Variants in NUP205 observed in about 807,000 individuals in gnomAD.
NUP205 encodes the protein nuclear pore complex protein Nup205.
A neutral mutation model predicts 253.8 loss-of-function variants in NUP205; 76 were observed. The observed-to-expected ratio is 0.30, with a 90% CI of 0.25 to 0.36. The LOEUF is 0.36. NUP205 is among the 10% of genes least tolerant of loss of function. NUP205 has a pLI of 1.00. For missense variants in NUP205, 2,162 were observed against 2,425.5 expected, an observed-to-expected ratio of 0.89 and a Z score of 2.28; for synonymous variants, 832 against 850.1, an observed-to-expected ratio of 0.98 and a Z score of 0.37.
chr7:135,578,023 T>A lies in NUP205; in HGVS notation c.876T>A (p.Asp292Glu), dbSNP rs1358903512. 10 of 1,599,090 alleles carry A rather than the reference T, an allele frequency of 6.3e-6. No individual in the cohort carries two copies. The highest frequency in any genetic ancestry group is 7.7e-6 in the Non-Finnish European group (9 of 1,166,764). ...SFIEQSTEERDDMIHQLPLLT... is the reference protein window; with the variant it reads ...SFIEQSTEEREDMIHQLPLLT... ...TAGAGCAAAGCACAGAGGAACGAGA[T>A]GGTATTGAGTTTTATACATTTTCCT... Residue 292 changes from aspartate (D) to glutamate (E), a missense_variant and splice_region_variant, in exon 6 of 43, where the codon GAT becomes GAA. Coordinates refer to ENST00000285968, the MANE Select transcript of NUP205 (RefSeq NM_015135.3).
chr7:135,627,260 C>T (rs1330132216), intron 33 of NUP205, among the ~76,000 whole-genome samples: 3 of 152,154 alleles, frequency 2.0e-5, no homozygotes, highest in Admixed American at 2.0e-4. Context: ...ATACGATGTT[C>T]TGAGACCTAC....
chr7:135,645,536 A>G lies in NUP205; in HGVS notation c.5752A>G (p.Thr1918Ala), dbSNP rs1357453222. The G allele has an allele frequency of 6.2e-7, 1 of 1,614,164 alleles. No homozygotes were observed. The highest frequency in any genetic ancestry group is 8.5e-7 in the Non-Finnish European group (1 of 1,179,970). ...GTACTACTTGTTACATTGCATGCCC[A>G]CGGATTCTCAAGATTCCTTATTTGC... Reference protein sequence around the residue: ...LEYYLLHCMPTDSQDSLFASR... With the variant: ...LEYYLLHCMPADSQDSLFASR... Residue 1918 changes from threonine (T) to alanine (A), a missense_variant, in exon 41 of 43, where the codon ACG becomes GCG. By Grantham distance (58) the Thr-to-Ala change is moderately conservative (BLOSUM62 0). This residue lies in a region of NUP205 where 1,144 missense variants were observed against 1,280.9 expected (regional missense o/e 0.89). Transcript: ENST00000285968.
At chr7:135,611,808 G>A (rs536496503) in intron 22 of NUP205, among the ~76,000 whole-genome samples, 14 of 152,068 alleles carry the variant, frequency 9.2e-5, no homozygotes, top group Non-Finnish European at 1.3e-4. Flanking sequence ...TGGTTGTTTT[G>A]TATTTTTCTT....
At chr7:135,644,553 A>G (rs570551055) in intron 39 of NUP205, among the ~76,000 whole-genome samples, 4 of 152,238 alleles carry the variant, frequency 2.6e-5, no homozygotes, top group African/African-American at 9.6e-5. Context: ...AACTGTTAGA[A>G]ATTCTCCATG....
chr7:135,587,932 G>A lies in NUP205; in HGVS notation c.1413G>A (p.Gln471=). ...LEYWCPTEPL[Q]TPTIMGSYLG... ...ATTGGTGTCCCACAGAGCCTCTTCAGACTCCGACTATCATGGGCTCTTATC... is the reference window on the plus strand; with the variant it reads ...ATTGGTGTCCCACAGAGCCTCTTCAAACTCCGACTATCATGGGCTCTTATC... Residue 471 remains glutamine, a synonymous_variant, in exon 10 of 43, where the codon CAG becomes CAA. Coordinates refer to ENST00000285968, the MANE Select transcript of NUP205 (RefSeq NM_015135.3). The A allele has an allele frequency of 1.2e-6, 2 of 1,614,004 alleles. No homozygotes were observed. Among genetic ancestry groups the A allele is most frequent in the Non-Finnish European group, 1.7e-6 (2 of 1,179,944 alleles).
intron 36 of NUP205, among the ~76,000 whole-genome samples, chr7:135,636,029 G>T (rs769718484): frequency 6.6e-6 from 1 of 150,900 alleles, no homozygotes; most frequent in Non-Finnish European, 1.5e-5. Context: ...AATAAGCCAC[G>T]AGCAGACTGT....
At chr7:135,603,875 T>C (rs1794023610) in intron 18 of NUP205, among the ~76,000 whole-genome samples, 1 of 152,082 alleles carries the variant, frequency 6.6e-6, no homozygotes, top group African/African-American at 2.4e-5. Flanking sequence ...GTTTGGAGGA[T>C]AGGGCTGGAA....
chr7:135,592,339 T>C (rs1806650700), intron 11 of NUP205, among the ~76,000 whole-genome samples: 1 of 152,256 alleles, frequency 6.6e-6, no homozygotes. Context: ...TTGTGAATTA[T>C]TCTGTGGGAA....
chr7:135,628,047 C>T lies in NUP205; in HGVS notation c.4868C>T (p.Ala1623Val), dbSNP rs763113200. ...VDRYRQILLP[A>V]LQLCQVILTS... ...CGCTACCGCCAGATTCTCCTCCCAGCTCTCCAGCTGTGCCAGGTCATCCTC... is the reference window on the plus strand; with the variant it reads ...CGCTACCGCCAGATTCTCCTCCCAGTTCTCCAGCTGTGCCAGGTCATCCTC... Residue 1623 changes from alanine to valine, a missense_variant, in exon 34 of 43, where the codon GCT (alanine) becomes GTT (valine). Around this residue, in one of 5 missense-constraint regions of NUP205, gnomAD observed 1,144 missense variants for 1,280.9 expected, o/e 0.89. Transcript: ENST00000285968. 62 of 1,611,220 alleles carry T rather than the reference C, an allele frequency of 3.8e-5. No homozygotes were observed. The highest frequency in any genetic ancestry group is 5.1e-5 in the Non-Finnish European group (60 of 1,179,592).
rs551903702 is a variant in NUP205 at position 135,580,452 on chromosome 7, T to C, written c.1042+1537T>C. On this transcript the variant is annotated intron_variant, in intron 7 of 42. Coordinates refer to ENST00000285968, the MANE Select transcript of NUP205 (RefSeq NM_015135.3). ...TACCCTTTAACCTTTGAAGTGGCTATGTGATAGTTAATATCTTCTTTTTTT... is the reference window on the plus strand; with the variant it reads ...TACCCTTTAACCTTTGAAGTGGCTACGTGATAGTTAATATCTTCTTTTTTT... Among the ~76,000 whole-genome samples, 4 of 152,332 alleles carry C rather than the reference T, an allele frequency of 2.6e-5. No individual in the cohort carries two copies. The East Asian group carries it at 7.7e-4, about 29-fold the overall frequency.
intron 22 of NUP205, among the ~76,000 whole-genome samples, chr7:135,612,617 A>G (rs532214295): frequency 2.0e-5 from 3 of 152,316 alleles, no homozygotes; most frequent in African/African-American, 4.8e-5. Flanking sequence ...GGAACAGGAA[A>G]AGCATTGCTC....
chr7:135,564,392 G>A (rs1334514928), intron 1 of NUP205, among the ~76,000 whole-genome samples: 1 of 151,138 alleles, frequency 6.6e-6, no homozygotes, highest in East Asian at 1.9e-4. Flanking sequence ...GATTACAGGT[G>A]TTAGCCACCA....
chr7:135,576,899 T>C, intron 4 of NUP205, 70 bp from the exon 5 acceptor site: 1 of 1,456,068 alleles, frequency 6.9e-7, no homozygotes, highest in Non-Finnish European at 9.4e-7. Context: ...GAGCGTTTGC[T>C]ATACCTATTA....
chr7:135,637,323 G>A (rs1286460709), intron 36 of NUP205, among the ~76,000 whole-genome samples: 1 of 152,208 alleles, frequency 6.6e-6, no homozygotes, highest in Non-Finnish European at 1.5e-5. Flanking sequence ...AAAGCCATCG[G>A]CTAACCTCTG....
At chr7:135,604,251 G>A (rs1234675025) in intron 18 of NUP205, 89 bp from the exon 19 acceptor site, 3 of 1,116,388 alleles carry the variant, frequency 2.7e-6, no homozygotes, top group East Asian at 5.0e-5. Context: ...ATGGGCAGGG[G>A]AAGCCCTGGT....
chr7:135,581,313 G>T (rs1806297863), intron 7 of NUP205, among the ~76,000 whole-genome samples: 2 of 152,182 alleles, frequency 1.3e-5, no homozygotes, highest in South Asian at 4.1e-4. Flanking sequence ...GGAGGCCAAG[G>T]TGGGAGGATT....
chr7:135,570,734 T>C (rs1805949544), intron 1 of NUP205, among the ~76,000 whole-genome samples: 1 of 101,278 alleles, frequency 9.9e-6, no homozygotes, highest in South Asian at 3.0e-4. Flanking sequence ...ATTTATATAT[T>C]ATATTAATAT....
chr7:135,601,084 TTTCA>T, intron 16 of NUP205, 115 bp downstream of exon 16: 1 of 618,984 alleles, frequency 1.6e-6, no homozygotes, highest in African/African-American at 1.9e-5. Flanking sequence ...TAATCTTTTG[TTTCA>T]TTGTTTTAAT....
chr7:135,579,524 A>T (rs994075992), intron 7 of NUP205, among the ~76,000 whole-genome samples: 1 of 152,098 alleles, frequency 6.6e-6, no homozygotes, highest in Non-Finnish European at 1.5e-5. Context: ...AAAATATACT[A>T]TTCCTTTTAT....
Sources: gnomAD v4.1 joint callset for allele counts (sites outside exome capture counted in the v4.1 genomes callset) on GRCh38, gnomAD v4.1.1 for gene constraint, gnomAD v4.1.1 regional missense constraint, MANE v1.5 for transcripts, NCBI Gene and HGNC (gene_info 2026-07-23, HGNC 2026-07-21) for gene names.